LRRC37A2: variants seen among roughly 807,000 people sequenced by gnomAD.
LRRC37A2 encodes the protein leucine-rich repeat-containing protein 37A2.
Under a neutral mutation model 68.8 loss-of-function variants are expected in LRRC37A2, and 9 were observed. The ratio of observed to expected loss-of-function variants is 0.13; its 90% CI spans 0.08 to 0.23. The LOEUF (loss-of-function observed/expected upper bound fraction) is 0.23, where lower values mean the gene tolerates loss of function less well. Among genes scored for constraint, LRRC37A2 ranks in the 10% least tolerant of loss-of-function variants. The pLI, the probability that LRRC37A2 is intolerant of heterozygous loss-of-function variation, is 1.00. For missense variants in LRRC37A2, 168 were observed against 950.4 expected, an observed-to-expected ratio of 0.18 and a Z score of 10.82; for synonymous variants, 63 against 367.6, an observed-to-expected ratio of 0.17 and a Z score of 9.48.
chr17:46,906,146 G>A, the LRRC37A2 span, among the ~76,000 whole-genome samples: 1 of 152,296 alleles, frequency 6.6e-6, no homozygotes, highest in African/African-American at 2.4e-5. Flanking sequence ...CCCCACTCCT[G>A]AGATCCAGCC....
chr17:46,916,524 C>T, the LRRC37A2 span, among the ~76,000 whole-genome samples: 9 of 152,152 alleles, frequency 5.9e-5, no homozygotes, highest in South Asian at 2.1e-4. Flanking sequence ...CTCTGATCGG[C>T]GAAATTTTAT....
At chr17:46,789,236 T>C in the LRRC37A2 span, among the ~76,000 whole-genome samples, 16,739 of 152,232 alleles carry the variant, frequency 0.11, 1,240 homozygotes, top group Non-Finnish European at 0.17. Flanking sequence ...CTGATAGCAC[T>C]GGCCACCAGG....
At chr17:46,744,315 A>T in the LRRC37A2 span, among the ~76,000 whole-genome samples, 3 of 152,246 alleles carry the variant, frequency 2.0e-5, no homozygotes, top group Non-Finnish European at 4.4e-5. Context: ...AATGCTTAAT[A>T]TTCTGAAATA....
At chr17:46,875,105 CAA>C in the LRRC37A2 span, 1 of 1,613,752 alleles carries the variant, frequency 6.2e-7, no homozygotes, top group Non-Finnish European at 8.5e-7. Flanking sequence ...ATCCAGGCTT[CAA>C]AGAGACAGCT....
chr17:46,826,390 G>C, the LRRC37A2 span, among the ~76,000 whole-genome samples: 1 of 152,362 alleles, frequency 6.6e-6, no homozygotes, highest in South Asian at 2.1e-4. Context: ...AGACGTTGGA[G>C]GGCCCTTGGG....
the LRRC37A2 span, among the ~76,000 whole-genome samples, chr17:46,598,813 C>T: frequency 6.6e-6 from 1 of 150,868 alleles, no homozygotes; most frequent in Non-Finnish European, 1.5e-5. Flanking sequence ...TTGTGGATAG[C>T]TCATGTGCAG....
At chr17:46,881,792 A>C in the LRRC37A2 span, among the ~76,000 whole-genome samples, 1 of 152,226 alleles carries the variant, frequency 6.6e-6, no homozygotes, top group Non-Finnish European at 1.5e-5. Flanking sequence ...TTGCATTTGC[A>C]ATATCTATCT....
At chr17:46,936,645 A>G in the LRRC37A2 span, 1 of 985,016 alleles carries the variant, frequency 1.0e-6, no homozygotes, top group Admixed American at 6.2e-5. Context: ...AAATGAATAC[A>G]TTTTTTGAAA....
At chr17:46,768,288 C>G in the LRRC37A2 span, 1 of 1,612,346 alleles carries the variant, frequency 6.2e-7, no homozygotes, top group Non-Finnish European at 8.5e-7. This position sits in a 1 kb window ranked among gnomAD's most constrained non-coding sequence, Gnocchi z 5.0. Flanking sequence ...CTCCCAGCCT[C>G]CCCCCTGCTT....
the LRRC37A2 span, chr17:46,940,700 G>C: frequency 6.2e-7 from 1 of 1,608,470 alleles, no homozygotes; most frequent in Non-Finnish European, 8.5e-7. Flanking sequence ...GTGTGCACCA[G>C]TGCTTTCCAC....
At chr17:46,684,265 T>C in the LRRC37A2 span, among the ~76,000 whole-genome samples, 1 of 104,706 alleles carries the variant, frequency 9.6e-6, no homozygotes, top group Non-Finnish European at 2.0e-5. Flanking sequence ...CTGAGAATGA[T>C]GGTTTCCAGC....
chr17:46,874,045 G>T, the LRRC37A2 span, among the ~76,000 whole-genome samples: 2 of 151,702 alleles, frequency 1.3e-5, no homozygotes, highest in Non-Finnish European at 2.9e-5. Context: ...GCCCCTCCTA[G>T]GCCAGCTGCT....
At chr17:46,959,897 G>C in the LRRC37A2 span, among the ~76,000 whole-genome samples, 16 of 152,202 alleles carry the variant, frequency 1.1e-4, no homozygotes, top group Non-Finnish European at 1.5e-4. Context: ...ATTCATGAGA[G>C]AGCTCCTCTA....
the LRRC37A2 span, among the ~76,000 whole-genome samples, chr17:46,980,714 TC>T: frequency 6.8e-6 from 1 of 147,090 alleles, no homozygotes; most frequent in African/African-American, 2.5e-5. Context: ...GCGCCTGTAG[TC>T]CCAGCTACTC....
At chr17:46,795,795 C>G in the LRRC37A2 span, among the ~76,000 whole-genome samples, 1 of 152,150 alleles carries the variant, frequency 6.6e-6, no homozygotes, top group Admixed American at 6.5e-5. Flanking sequence ...GCTAGTAACC[C>G]CCAGGCTTCT....
the LRRC37A2 span, among the ~76,000 whole-genome samples, chr17:46,780,938 G>C: frequency 6.6e-6 from 1 of 152,038 alleles, no homozygotes; most frequent in Non-Finnish European, 1.5e-5. Context: ...ACCCTATTCA[G>C]CCAGAAAAAG....
the LRRC37A2 span, among the ~76,000 whole-genome samples, chr17:46,973,883 C>T: frequency 1.8e-3 from 275 of 152,268 alleles, no homozygotes; most frequent in Middle Eastern, 6.8e-3. Flanking sequence ...TTCTGCTGTA[C>T]CCGCCACCTC....
the LRRC37A2 span, among the ~76,000 whole-genome samples, chr17:46,718,676 G>A: frequency 2.6e-5 from 4 of 152,032 alleles, no homozygotes; most frequent in African/African-American, 7.2e-5. Flanking sequence ...CTGACCGGCC[G>A]AATGACCTTG....
chr17:46,802,355 T>C, the LRRC37A2 span, among the ~76,000 whole-genome samples: 1 of 152,208 alleles, frequency 6.6e-6, no homozygotes, highest in South Asian at 2.1e-4. Flanking sequence ...AACCTCCGCC[T>C]CCTGGGTTCA....
Sources: gnomAD v4.1 joint callset for allele counts (sites outside exome capture counted in the v4.1 genomes callset) on GRCh38, gnomAD v4.1.1 for gene constraint, Gnocchi (gnomAD v3.1) non-coding constraint, MANE v1.5 for transcripts, NCBI Gene and HGNC (gene_info 2026-07-23, HGNC 2026-07-21) for gene names.